Variants in GRAMD2A observed in about 807,000 individuals in gnomAD.
GRAMD2A encodes the protein GRAM domain-containing protein 2A.
GRAMD2A carries 37 observed loss-of-function variants against 51.1 expected under a neutral mutation model. The observed-to-expected ratio is 0.72, with a 90% CI of 0.56 to 0.95. The LOEUF (loss-of-function observed/expected upper bound fraction) is 0.95, where lower values mean the gene tolerates loss of function less well. GRAMD2A is among the 40% of genes least tolerant of loss of function. GRAMD2A has a pLI of 0.00. For missense variants in GRAMD2A, 414 were observed against 426.9 expected, an observed-to-expected ratio of 0.97 and a Z score of 0.27; for synonymous variants, 136 against 157.1, an observed-to-expected ratio of 0.87 and a Z score of 1.01.
At position 72,161,920 on chromosome 15, in the gene GRAMD2A, G is replaced by C. The variant is rs564176088; in HGVS notation, c.*89C>G. On this transcript the variant is annotated 3_prime_UTR_variant, in exon 12 of 12. Transcript: ENST00000309731. Reference sequence around the variant, plus strand: ...CTTCATAGGCAGTCTTAGCACAGCAGCAGCATAAACCACAGGGATCATTGG... The same window carrying C: ...CTTCATAGGCAGTCTTAGCACAGCACCAGCATAAACCACAGGGATCATTGG... The C allele has an allele frequency of 1.3e-4, 181 of 1,375,514 alleles. 2 individuals carry two copies. The South Asian group carries it at 2.0e-3, about 15-fold the overall frequency. The allele number at this position is 1,375,514 out of a possible 1,614,324, so 85.2% of individuals were successfully genotyped here. A position where few individuals can be genotyped will look rare whatever the true frequency, so the allele number is the denominator to read the frequency against.
In GRAMD2A at chr15:72,166,895, G is replaced by T; in HGVS notation, c.471+99C>A. The T allele has an allele frequency of 9.9e-7, 1 of 1,014,790 alleles. No homozygotes were observed. The allele number at this position is 1,014,790 out of a possible 1,614,324, so 62.9% of individuals were successfully genotyped here. A position where few individuals can be genotyped will look rare whatever the true frequency, so the allele number is the denominator to read the frequency against. ...ATACCTACTGGAGAGCTGCAGGGTG[G>T]GGTGAAATAAAGACCTGGGAATGTG... On this transcript the variant is annotated intron_variant, in intron 6 of 11. Coordinates refer to ENST00000309731, the MANE Select transcript of GRAMD2A (RefSeq NM_001012642.3). This position sits in a 1 kb window ranked among gnomAD's most constrained non-coding sequence, Gnocchi z 4.1.
At chr15:72,168,379 C>T in intron 4 of GRAMD2A, 112 bp downstream of exon 4, 1 of 788,702 alleles carries the variant, frequency 1.3e-6, no homozygotes, top group Non-Finnish European at 2.3e-6. Flanking sequence ...TGGTCCACAT[C>T]TAAAGGACAG....
In GRAMD2A at chr15:72,167,962, CT is replaced by C. The variant is rs1315771860; in HGVS notation, c.269-124del. Reference sequence around the variant, plus strand: ...AGGACCTGTCTTCCTCAGACTCCCCCTTCCCCACCGCAGGCCCCAAACCCCA... The same window carrying C: ...AGGACCTGTCTTCCTCAGACTCCCCCTCCCCACCGCAGGCCCCAAACCCCA... On this transcript the variant is annotated intron_variant, in intron 4 of 11. Coordinates refer to ENST00000309731, the MANE Select transcript of GRAMD2A (RefSeq NM_001012642.3). 3 of 705,546 alleles carry C rather than the reference CT, an allele frequency of 4.3e-6. No homozygotes were observed. The African/African-American group carries it at 5.3e-5, about 12-fold the overall frequency. 43.7% of individuals were successfully genotyped at this position (705,546 alleles called of 1,614,324 possible).
chr15:72,161,954 T>C lies in GRAMD2A; in HGVS notation c.*55A>G. ...ACCACAGGGATCATTGGTGGAGACT[T>C]AGCACCCAGAACATTCTTCTTGGAG... On this transcript the variant is annotated 3_prime_UTR_variant, in exon 12 of 12. Coordinates refer to ENST00000309731, the MANE Select transcript of GRAMD2A (RefSeq NM_001012642.3). The C allele has an allele frequency of 6.2e-7, 1 of 1,601,226 alleles. No individual in the cohort carries two copies. The highest frequency in any genetic ancestry group is 8.6e-7 in the Non-Finnish European group (1 of 1,168,340).
Position 72,168,573 on chromosome 15 carries a change from A to C in GRAMD2A, c.193-7T>G. On this transcript the variant is annotated splice_region_variant and splice_polypyrimidine_tract_variant and intron_variant, in intron 3 of 11. Coordinates refer to ENST00000309731, the MANE Select transcript of GRAMD2A (RefSeq NM_001012642.3). Reference sequence around the variant, plus strand: ...TGTATTTATTCAGTGTTATCTGCAAACACACAGGCTGCGTCTGAGAAGCGC... The same window carrying C: ...TGTATTTATTCAGTGTTATCTGCAACCACACAGGCTGCGTCTGAGAAGCGC... 6.2e-7 allele frequency: 1 copy of C among 1,612,444 alleles called. No individual in the cohort carries two copies. Among genetic ancestry groups the C allele is most frequent in the Non-Finnish European group, 8.5e-7 (1 of 1,178,690 alleles).
At chr15:72,171,335 A>T (rs1289263408) in intron 1 of GRAMD2A, among the ~76,000 whole-genome samples, 1 of 151,992 alleles carries the variant, frequency 6.6e-6, no homozygotes, top group Non-Finnish European at 1.5e-5. Flanking sequence ...TGAAAAATAT[A>T]TATAAGATCA....
intron 1 of GRAMD2A, among the ~76,000 whole-genome samples, chr15:72,178,714 A>G (rs1252908975): frequency 1.3e-5 from 2 of 151,076 alleles, no homozygotes; most frequent in African/African-American, 2.4e-5. Context: ...AGCTGGGACT[A>G]CAGGCGCCCG....
chr15:72,176,854 C>CTTTTTT (rs60618044), intron 1 of GRAMD2A, among the ~76,000 whole-genome samples: 2 of 72,174 alleles, frequency 2.8e-5, no homozygotes, highest in African/African-American at 5.2e-5. Context: ...ACCTGCAGTG[C>CTTTTTT]TTTTTTTTTT....
chr15:72,162,620 C>T, intron 10 of GRAMD2A: 1 of 399,740 alleles, frequency 2.5e-6, no homozygotes. Flanking sequence ...CAGCTGAGCT[C>T]TGGGGGGAGC....
intron 3 of GRAMD2A, 60 bp from the exon 4 acceptor site, chr15:72,168,626 T>C: frequency 1.5e-6 from 2 of 1,373,538 alleles, no homozygotes; most frequent in South Asian, 1.2e-5. Context: ...AAAGGGGCCC[T>C]GCTCCAGCCA....
chr15:72,190,206 G>C (rs1272800107), intron 1 of GRAMD2A, among the ~76,000 whole-genome samples: 1 of 151,734 alleles, frequency 6.6e-6, no homozygotes, highest in South Asian at 2.1e-4. Context: ...GAAACCCCGT[G>C]TCTACTAAAA....
chr15:72,164,668 G>A (rs2081520963), intron 8 of GRAMD2A, among the ~76,000 whole-genome samples: 1 of 152,084 alleles, frequency 6.6e-6, no homozygotes. Flanking sequence ...GCCTCCCAAA[G>A]TGCTGGGATT....
chr15:72,167,671 T>C, intron 5 of GRAMD2A, 65 bp downstream of exon 5: 1 of 1,250,054 alleles, frequency 8.0e-7, no homozygotes, highest in Non-Finnish European at 1.2e-6. Context: ...CTTTGAGGCA[T>C]GCCCGTGGGG....
intron 1 of GRAMD2A, among the ~76,000 whole-genome samples, chr15:72,193,568 G>T (rs2140562491): frequency 6.6e-6 from 1 of 150,658 alleles, no homozygotes; most frequent in Non-Finnish European, 1.5e-5. Context: ...TGTCGCCCAG[G>T]CTGGAGTACA....
chr15:72,162,871 C>T (rs374458475), intron 10 of GRAMD2A: 1 of 225,174 alleles, frequency 4.4e-6, no homozygotes, highest in African/African-American at 2.3e-5. Flanking sequence ...CCCTGCTCTA[C>T]TGGTCCTTAG....
Position 72,166,698 on chromosome 15 carries a change from G to T in GRAMD2A, c.477C>A (p.Ile159=). 6.2e-7 allele frequency: 1 copy of T among 1,612,748 alleles called. No homozygotes were observed. The highest frequency in any genetic ancestry group is 8.5e-7 in the Non-Finnish European group (1 of 1,179,342). ...AITTNTSQKY[I]FVSLLSRDSV... ...TGTCCCGGGAGAGCAGTGACACAAA[G>T]ATATACTGGGACATGGAAAGAAAAC... The change falls in exon 7 of 12, where the codon ATC becomes ATA. Residue 159 remains isoleucine, a synonymous_variant. Coordinates refer to ENST00000309731, the MANE Select transcript of GRAMD2A (RefSeq NM_001012642.3). This position sits in a 1 kb window ranked among gnomAD's most constrained non-coding sequence, Gnocchi z 4.1.
At chr15:72,162,078 G>A in intron 11 of GRAMD2A, 66 bp from the exon 12 acceptor site, 1 of 1,596,780 alleles carries the variant, frequency 6.3e-7, no homozygotes, top group Non-Finnish European at 8.6e-7. Context: ...TGGGCAGAAG[G>A]GCCAGTGATA....
chr15:72,187,812 G>A (rs2081744101), intron 1 of GRAMD2A, among the ~76,000 whole-genome samples: 1 of 152,146 alleles, frequency 6.6e-6, no homozygotes, highest in East Asian at 1.9e-4. Flanking sequence ...GTGAGTCACT[G>A]TACCTGGCCA....
chr15:72,189,393 A>G (rs545590595), intron 1 of GRAMD2A, among the ~76,000 whole-genome samples: 47 of 152,342 alleles, frequency 3.1e-4, no homozygotes, highest in African/African-American at 1.1e-3. Flanking sequence ...AAATCTGACT[A>G]AGGTAGATGG....
Sources: allele counts gnomAD v4.1 joint callset (sites outside exome capture counted in the v4.1 genomes callset), GRCh38; gene constraint gnomAD v4.1.1; non-coding constraint Gnocchi (gnomAD v3.1); transcripts MANE v1.5; gene names NCBI Gene and HGNC (gene_info 2026-07-23, HGNC 2026-07-21).